Variants in ZDHHC9 observed in about 807,000 individuals in gnomAD.
ZDHHC9 encodes zDHHC palmitoyltransferase 9.
ZDHHC9 carries 3 observed loss-of-function variants against 26.6 expected under a neutral mutation model. The observed-to-expected ratio is 0.11, with a 90% CI of 0.05 to 0.29. The LOEUF (loss-of-function observed/expected upper bound fraction) is 0.29. ZDHHC9 is among the 10% of genes least tolerant of loss of function. The pLI, the probability that ZDHHC9 is intolerant of heterozygous loss-of-function variation, is 1.00. For missense variants in ZDHHC9, 146 were observed against 296.4 expected (o/e 0.49, Z 3.73); for synonymous variants, 111 against 109.4 (o/e 1.01, Z -0.09).
intron 5 of ZDHHC9, among the ~76,000 whole-genome samples, chrX:129,816,963 A>T (rs1291377088): frequency 1.8e-5 from 2 of 110,330 alleles, no homozygotes; most frequent in Non-Finnish European, 3.8e-5. Flanking sequence ...GCTCACTGCA[A>T]CCTCCACCTC....
In ZDHHC9 at chrX:129,812,819, C is replaced by T. The variant is rs751963912; in HGVS notation, c.676G>A (p.Val226Ile). ...AAGAAGCAAATGAGGACTTCTAGAA[C>T]AGTGAGGTGTGGTTAAGGAGTATTG... is the stretch of plus-strand genomic sequence containing the variant. ...LETLKETPGT[V>I]LEVLICFFTL... The change falls in exon 8 of 11, where the codon GTT (valine) becomes ATT (isoleucine). Residue 226 changes from valine to isoleucine, a missense_variant and splice_region_variant. Physicochemically the swap from Val to Ile is conservative, Grantham distance 29. Around this residue, in one of 2 missense-constraint regions of ZDHHC9, gnomAD observed 100 missense variants for 250.0 expected, o/e 0.40. Transcript: ENST00000357166. 1 of 1,192,855 alleles carries T rather than the reference C, an allele frequency of 8.4e-7. No homozygotes were observed. Among genetic ancestry groups the T allele is most frequent in the Non-Finnish European group, 1.1e-6 (1 of 878,308 alleles).
At chrX:129,840,738 G>C (rs752503902) in intron 3 of ZDHHC9, among the ~76,000 whole-genome samples, 199 of 110,843 alleles carry the variant, frequency 1.8e-3, no homozygotes, top group African/African-American at 6.3e-3. Flanking sequence ...TGGCAAAGCA[G>C]CCCAAAAATC....
chrX:129,808,517 G>T (rs1927567972), intron 10 of ZDHHC9, among the ~76,000 whole-genome samples: 1 of 111,817 alleles, frequency 8.9e-6, no homozygotes, highest in Admixed American at 9.5e-5. Flanking sequence ...ACAGGCAAAA[G>T]AAAGAATGTG....
In ZDHHC9 at chrX:129,805,581, G is replaced by C. The variant is rs765557303; in HGVS notation, c.*789C>G. 1 of 112,112 alleles carries C rather than the reference G, an allele frequency of 8.9e-6. No individual in the cohort carries two copies. Among genetic ancestry groups the C allele is most frequent in the Non-Finnish European group, 1.9e-5 (1 of 53,156 alleles). The allele number at this position is 112,112 out of a possible 1,213,427, so 9.2% of individuals were successfully genotyped here. On this transcript the variant is annotated 3_prime_UTR_variant, in exon 11 of 11. Coordinates refer to ENST00000357166, the MANE Select transcript of ZDHHC9 (RefSeq NM_016032.4). The stretch of plus-strand genomic sequence containing the variant: ...AAAACAAATTAAAAGGGGCTAATGA[G>C]AAAGGAGGAGAGATGAGACAGAGAG...
chrX:129,809,671 CTG>C (rs1927591691), intron 10 of ZDHHC9, among the ~76,000 whole-genome samples: 1 of 111,698 alleles, frequency 9.0e-6, no homozygotes, highest in Non-Finnish European at 1.9e-5. Flanking sequence ...TTGTACAACT[CTG>C]TGAATATTCT....
chrX:129,807,556 G>A (rs5930362), intron 10 of ZDHHC9, among the ~76,000 whole-genome samples: 5,287 of 108,286 alleles, frequency 0.049, 145 homozygotes, highest in Non-Finnish European at 0.075. Flanking sequence ...ACGGTGGCTC[G>A]TGCCTATAAT....
At chrX:129,807,371 G>A (rs1474674444) in intron 10 of ZDHHC9, among the ~76,000 whole-genome samples, 1 of 106,302 alleles carries the variant, frequency 9.4e-6, no homozygotes, top group Non-Finnish European at 1.9e-5. Flanking sequence ...GCGTGAACCC[G>A]GGAAGCGGAG....
Position 129,803,940 on chromosome X carries a change from T to C in ZDHHC9, c.*2430A>G, listed in dbSNP as rs1211830232. On this transcript the variant is annotated 3_prime_UTR_variant, in exon 11 of 11. Transcript: ENST00000357166. ...GATAGGGACAGTCCCAGCTGGTGCA[T>C]GGTATGAATGGGACAGATCTTCAGG... The C allele has an allele frequency of 2.7e-5, 3 of 112,136 alleles. No individual in the cohort carries two copies. The highest frequency in any genetic ancestry group is 1.9e-5 in the Non-Finnish European group (1 of 53,187). The allele number at this position is 112,136 out of a possible 1,213,427, so 9.2% of individuals were successfully genotyped here.
At chrX:129,841,317 A>G (rs1928375910) in intron 3 of ZDHHC9, among the ~76,000 whole-genome samples, 1 of 112,362 alleles carries the variant, frequency 8.9e-6, no homozygotes, top group Admixed American at 9.4e-5. Context: ...ACTAATCTGT[A>G]GGTTCCCAAC....
intron 5 of ZDHHC9, among the ~76,000 whole-genome samples, chrX:129,820,343 G>C (rs868738140): frequency 1.5e-4 from 17 of 109,911 alleles, no homozygotes; most frequent in Middle Eastern, 9.2e-3. Flanking sequence ...ACTTTGGGAA[G>C]CTGCAGCAGG....
intron 4 of ZDHHC9, among the ~76,000 whole-genome samples, chrX:129,826,002 A>G (rs1928009357): frequency 8.9e-6 from 1 of 112,031 alleles, no homozygotes. Context: ...GCCCATCCGC[A>G]GCATATGAGA....
At position 129,811,518 on chromosome X, in the gene ZDHHC9, TA is replaced by T. The variant is rs773716111; in HGVS notation, c.778-10del. ...GTCCATGATCCTTTGATCTGCAAGA[TA>T]AAAACCAAGGCTGACATTAAAAATA... is the stretch of plus-strand genomic sequence containing the variant. On this transcript the variant is annotated splice_polypyrimidine_tract_variant and intron_variant, in intron 8 of 10. Coordinates refer to ENST00000357166, the MANE Select transcript of ZDHHC9 (RefSeq NM_016032.4). 8.6e-7 allele frequency: 1 copy of T among 1,157,531 alleles called. No individual in the cohort carries two copies. The highest frequency in any genetic ancestry group is 1.2e-6 in the Non-Finnish European group (1 of 851,188).
In ZDHHC9 at chrX:129,833,304, T is replaced by C. The variant is rs190744634; in HGVS notation, c.168-4163A>G. On this transcript the variant is annotated intron_variant, in intron 3 of 10. Transcript: ENST00000357166. ...GACAACTGGACTCCCACATGTCCCCTCAGGCGGCACGGTGGTACTGACCAG... is the reference window on the plus strand; with the variant it reads ...GACAACTGGACTCCCACATGTCCCCCCAGGCGGCACGGTGGTACTGACCAG... 2.6e-3 allele frequency among the ~76,000 whole-genome samples: 287 copies of C among 112,035 alleles called. 1 individual carries two copies. Among genetic ancestry groups the C allele is most frequent in the African/African-American group, 8.3e-3 (255 of 30,856 alleles).
intron 3 of ZDHHC9, among the ~76,000 whole-genome samples, chrX:129,830,815 C>T (rs1928123736): frequency 8.9e-6 from 1 of 111,757 alleles, no homozygotes; most frequent in Non-Finnish European, 1.9e-5. Flanking sequence ...CCCCTAGCTC[C>T]CTGCCACACA....
Position 129,805,834 on chromosome X carries a change from A to C in ZDHHC9, c.*536T>G, listed in dbSNP as rs1254950363. ...GTGGAAGGTACCTGTCCCATTCCTA[A>C]AAGGATTTGTGGGCAATGCTGGCAC... On this transcript the variant is annotated 3_prime_UTR_variant, in exon 11 of 11. Transcript: ENST00000357166. 8.3e-6 allele frequency: 1 copy of C among 120,419 alleles called. No individual in the cohort carries two copies. Among genetic ancestry groups the C allele is most frequent in the Non-Finnish European group, 1.7e-5 (1 of 58,190 alleles). 9.9% of individuals were successfully genotyped at this position (120,419 alleles called of 1,213,427 possible). A position where few individuals can be genotyped will look rare whatever the true frequency, so the allele number is the denominator to read the frequency against.
In ZDHHC9 at chrX:129,809,247, T is replaced by C. The variant is rs896593978; in HGVS notation, c.978+1658A>G. Among the ~76,000 whole-genome samples the C allele has an allele frequency of 2.7e-5, 3 of 111,824 alleles. No individual in the cohort carries two copies. In the East Asian group the frequency reaches 8.3e-4, roughly 31 times the overall value. On this transcript the variant is annotated intron_variant, in intron 10 of 10. Transcript: ENST00000357166. ...CAAGAGAAATGAAAATATATGGCCA[T>C]GCAAAAATTGGTACACAAATGTTCA...
chrX:129,831,081 C>T (rs1410897262), intron 3 of ZDHHC9, among the ~76,000 whole-genome samples: 3 of 111,601 alleles, frequency 2.7e-5, no homozygotes, highest in Non-Finnish European at 5.6e-5. Flanking sequence ...AAGGTTCTTA[C>T]ATATCACTAG....
At chrX:129,817,266 C>T (rs1279886857) in intron 5 of ZDHHC9, among the ~76,000 whole-genome samples, 1 of 111,025 alleles carries the variant, frequency 9.0e-6, no homozygotes, top group Non-Finnish European at 1.9e-5. Context: ...GCCTGGCCAA[C>T]ATGGTGAAAC....
chrX:129,812,005 AAAGT>A (rs1295379614), intron 8 of ZDHHC9, among the ~76,000 whole-genome samples: 2 of 111,847 alleles, frequency 1.8e-5, no homozygotes, highest in African/African-American at 3.2e-5. Flanking sequence ...TCTAAGAAGT[AAAGT>A]AAGAGGAACT....
Sources: allele counts gnomAD v4.1 joint callset (sites outside exome capture counted in the v4.1 genomes callset), GRCh38; gene constraint gnomAD v4.1.1; regional missense constraint gnomAD v4.1.1; transcripts MANE v1.5; gene names NCBI Gene and HGNC (gene_info 2026-07-23, HGNC 2026-07-21).